Variants in RAD18 observed in about 807,000 individuals in gnomAD.
The protein encoded by RAD18 is E3 ubiquitin-protein ligase RAD18.
In RAD18, 47 loss-of-function variants were observed where a neutral mutation model predicts 60.4. The observed-to-expected ratio is 0.78, with a 90% CI of 0.62 to 0.99. The LOEUF is 0.99. Among genes scored for constraint, RAD18 ranks in the 50% least tolerant of loss-of-function variants. RAD18 has a pLI of 0.00. For synonymous variants in RAD18, 225 were observed against 195.5 expected, an observed-to-expected ratio of 1.15 and a Z score of -1.26; for missense variants, 640 against 593.3, an observed-to-expected ratio of 1.08 and a Z score of -0.82.
chr3:8,914,230 T>C (rs1940158037), intron 7 of RAD18, among the ~76,000 whole-genome samples: 1 of 152,236 alleles, frequency 6.6e-6, no homozygotes, highest in Admixed American at 6.5e-5. Flanking sequence ...GAATACACCC[T>C]GTCAAACATT....
Position 8,958,956 on chromosome 3 carries a change from T to C in RAD18, c.97A>G (p.Asn33Asp). ...LRCGICFEYF[N>D]IAMIIPQCSH... ...CACTGAGGTATTATCATTGCAATGT[T>C]GAAATACTCGAAGCAAATTCCACAC... The change falls in exon 2 of 13, where the codon AAC becomes GAC. Residue 33 changes from asparagine (N) to aspartate (D), a missense_variant. Transcript: ENST00000264926. 6.2e-7 allele frequency: 1 copy of C among 1,613,928 alleles called. No individual in the cohort carries two copies. The highest frequency in any genetic ancestry group is 8.5e-7 in the Non-Finnish European group (1 of 1,179,832).
At chr3:8,953,539 AAAG>A (rs1279759635) in intron 2 of RAD18, among the ~76,000 whole-genome samples, 2 of 152,198 alleles carry the variant, frequency 1.3e-5, no homozygotes, top group African/African-American at 4.8e-5. Context: ...CCTTCCATTC[AAAG>A]AAGAACAGCT....
chr3:8,946,693 T>C (rs554402943), intron 4 of RAD18, among the ~76,000 whole-genome samples: 2 of 152,232 alleles, frequency 1.3e-5, no homozygotes, highest in African/African-American at 4.8e-5. Context: ...ACATGCTGAA[T>C]AAATCCGATT....
At chr3:8,897,820 C>A (rs191913530) in intron 11 of RAD18, among the ~76,000 whole-genome samples, 1 of 152,098 alleles carries the variant, frequency 6.6e-6, no homozygotes, top group East Asian at 1.9e-4. Context: ...AATTCCAGCA[C>A]TTTGGGAGGC....
chr3:8,884,437 TTCTTA>T (rs1271453142), intron 12 of RAD18, among the ~76,000 whole-genome samples: 1 of 152,206 alleles, frequency 6.6e-6, no homozygotes, highest in Non-Finnish European at 1.5e-5. Flanking sequence ...TTAGTTTATG[TTCTTA>T]AAATCTCTCA....
intron 12 of RAD18, among the ~76,000 whole-genome samples, chr3:8,887,361 C>T (rs946622630): frequency 5.3e-5 from 8 of 152,074 alleles, no homozygotes; most frequent in Admixed American, 2.0e-4. Context: ...GACTATGATC[C>T]TACCATTCAC....
rs1939400142 is a variant in RAD18 at position 8,878,288 on chromosome 3, C to A, written c.*3069G>T. 1 of 152,108 alleles carries A rather than the reference C, an allele frequency of 6.6e-6. No homozygotes were observed. The highest frequency in any genetic ancestry group is 1.5e-5 in the Non-Finnish European group (1 of 68,014). The allele number at this position is 152,108 out of a possible 1,614,324, so 9.4% of individuals were successfully genotyped here. ...CAGGTAGGGAGTATAAAGTCAGTAT[C>A]ATGGGTGTTAATGTAAATACTTGTT... On this transcript the variant is annotated 3_prime_UTR_variant, in exon 13 of 13. Transcript: ENST00000264926.
chr3:8,898,381 CGTGTGTGTGTGTGTGTGT>C (rs59853617), intron 11 of RAD18, among the ~76,000 whole-genome samples: 1 of 148,338 alleles, frequency 6.7e-6, no homozygotes, highest in Non-Finnish European at 1.5e-5. Context: ...TGTGTGCATG[CGTGTGTGTGTGTGTGTGT>C]GTGTGTGTGT....
intron 9 of RAD18, among the ~76,000 whole-genome samples, chr3:8,910,045 G>A (rs544102945): frequency 6.6e-6 from 1 of 152,250 alleles, no homozygotes; most frequent in South Asian, 2.1e-4. Context: ...AAGGAGGAGA[G>A]CAGAATTCCC....
At chr3:8,897,904 A>G (rs940468457) in intron 11 of RAD18, among the ~76,000 whole-genome samples, 14 of 151,886 alleles carry the variant, frequency 9.2e-5, no homozygotes, top group African/African-American at 3.4e-4. Context: ...TGTCTCTACT[A>G]AATGTACAAA....
intron 2 of RAD18, among the ~76,000 whole-genome samples, chr3:8,952,495 G>A (rs1467386364): frequency 6.6e-6 from 1 of 152,068 alleles, no homozygotes; most frequent in Non-Finnish European, 1.5e-5. Context: ...GTGATTCAAT[G>A]GATTTTGGTC....
At chr3:8,887,969 G>A (rs1939600710) in intron 12 of RAD18, among the ~76,000 whole-genome samples, 1 of 152,124 alleles carries the variant, frequency 6.6e-6, no homozygotes. Flanking sequence ...AAAGGCAATA[G>A]CCCTCTGCCT....
chr3:8,909,235 T>TCCAG (rs779390802), intron 9 of RAD18, among the ~76,000 whole-genome samples: 3 of 152,040 alleles, frequency 2.0e-5, no homozygotes, highest in Non-Finnish European at 2.9e-5. Flanking sequence ...GGTAGGCAGG[T>TCCAG]CCAGATACAG....
At chr3:8,935,745 C>T (rs905245313) in intron 7 of RAD18, 126 bp downstream of exon 7, 2 of 893,168 alleles carry the variant, frequency 2.2e-6, no homozygotes, top group South Asian at 4.2e-5. Context: ...TGAAGGAACA[C>T]ATTTGCACGT....
At chr3:8,924,726 C>A (rs1302584163) in intron 7 of RAD18, among the ~76,000 whole-genome samples, 1 of 141,778 alleles carries the variant, frequency 7.1e-6, no homozygotes, top group Non-Finnish European at 1.6e-5. Flanking sequence ...GACCACAGTG[C>A]AATCAAACTA....
Position 8,932,497 on chromosome 3 carries a change from G to A in RAD18, c.889+3374C>T, listed in dbSNP as rs144331461. On this transcript the variant is annotated intron_variant, in intron 7 of 12. Coordinates refer to ENST00000264926, the MANE Select transcript of RAD18 (RefSeq NM_020165.4). The stretch of plus-strand genomic sequence containing the variant: ...CATTGACTAGAATGGCTAAAATTAA[G>A]AAGAATGAAAATACCAAGTGTTAGC... 9.5e-4 allele frequency among the ~76,000 whole-genome samples: 145 copies of A among 152,218 alleles called. 1 individual carries two copies. Among genetic ancestry groups the A allele is most frequent in the African/African-American group, 3.4e-3 (142 of 41,548 alleles).
At chr3:8,909,876 C>T (rs1214669718) in intron 9 of RAD18, among the ~76,000 whole-genome samples, 1 of 152,264 alleles carries the variant, frequency 6.6e-6, no homozygotes, top group East Asian at 1.9e-4. Context: ...ATAAAGTTTA[C>T]AAATTCGTTT....
chr3:8,953,331 A>G (rs769077882), intron 2 of RAD18, among the ~76,000 whole-genome samples: 13 of 152,026 alleles, frequency 8.6e-5, no homozygotes, highest in African/African-American at 3.1e-4. Flanking sequence ...TAGTATTTAT[A>G]ATAAGGCTAC....
At chr3:8,904,919 T>C (rs1302869978) in intron 9 of RAD18, among the ~76,000 whole-genome samples, 2 of 152,188 alleles carry the variant, frequency 1.3e-5, no homozygotes, top group African/African-American at 4.8e-5. Context: ...TCTGAAGTAA[T>C]AAAATCCCAG....
Sources: allele counts gnomAD v4.1 joint callset (sites outside exome capture counted in the v4.1 genomes callset), GRCh38; gene constraint gnomAD v4.1.1; transcripts MANE v1.5; gene names NCBI Gene and HGNC (gene_info 2026-07-23, HGNC 2026-07-21).